Variants in AP3M2 observed in about 807,000 individuals in gnomAD.
AP3M2 encodes the protein adaptor related protein complex 3 subunit mu 2.
Under a neutral mutation model 41.6 loss-of-function variants are expected in AP3M2, and 28 were observed. That is an observed-to-expected ratio of 0.67 (90% CI 0.50 to 0.92). The LOEUF is 0.92. Among genes scored for constraint, AP3M2 ranks in the 40% least tolerant of loss-of-function variants. The pLI is 0.00. For synonymous variants in AP3M2, 193 were observed against 186.4 expected (o/e 1.04, Z -0.29); for missense variants, 427 against 521.4 (o/e 0.82, Z 1.76).
intron 1 of AP3M2, chr8:42,154,356 G>C (rs1255789397): frequency 1.4e-5 from 3 of 209,586 alleles, no homozygotes. Context: ...CGGTTCGGTT[G>C]AGAAAATAGA....
intron 8 of AP3M2, among the ~76,000 whole-genome samples, chr8:42,168,547 T>A (rs1364649304): frequency 6.6e-6 from 1 of 152,234 alleles, no homozygotes; most frequent in Non-Finnish European, 1.5e-5. Context: ...CTTGGCTTAG[T>A]CTAGTGAGAA....
intron 3 of AP3M2, 81 bp from the exon 4 acceptor site, chr8:42,162,200 A>C: frequency 7.3e-7 from 1 of 1,371,034 alleles, no homozygotes; most frequent in Non-Finnish European, 9.8e-7. Flanking sequence ...GAATAGTGGG[A>C]GCATAGAAAC....
intron 4 of AP3M2, among the ~76,000 whole-genome samples, chr8:42,162,670 T>G (rs1804537330): frequency 6.6e-6 from 1 of 151,956 alleles, no homozygotes; most frequent in South Asian, 2.1e-4. Flanking sequence ...ACAGGCCAGA[T>G]GTAGTGACTC....
In AP3M2 at chr8:42,162,280, G is replaced by A; in HGVS notation, c.446-1G>A. 1 of 1,610,038 alleles carries A rather than the reference G, an allele frequency of 6.2e-7. No individual in the cohort carries two copies. The highest frequency in any genetic ancestry group is 8.5e-7 in the Non-Finnish European group (1 of 1,178,442). ...AAATACAGTAATATTAATTGCCTCAGGAAGCACGAATGTGGGTGACCAGCT... is the reference window on the plus strand; with the variant it reads ...AAATACAGTAATATTAATTGCCTCAAGAAGCACGAATGTGGGTGACCAGCT... On this transcript the variant is annotated splice_acceptor_variant, in intron 3 of 8. Coordinates refer to ENST00000396926, the MANE Select transcript of AP3M2 (RefSeq NM_006803.4). LOFTEE classifies it high-confidence loss of function.
At chr8:42,168,886 G>A (rs1804711392) in intron 8 of AP3M2, 75 bp from the exon 9 acceptor site, 2 of 1,138,374 alleles carry the variant, frequency 1.8e-6, no homozygotes, top group Admixed American at 2.2e-5. Context: ...TCAGTGTATT[G>A]AACAGAAACA....
chr8:42,165,054 T>C lies in AP3M2; in HGVS notation c.584-17T>C. ...TATTCAGTAATCTGTGTTCTTTTTG[T>C]CTTATTCCTGTCTCAGGCTCCACAA... is the stretch of plus-strand genomic sequence containing the variant. On this transcript the variant is annotated splice_polypyrimidine_tract_variant and intron_variant, in intron 4 of 8. Coordinates refer to ENST00000396926, the MANE Select transcript of AP3M2 (RefSeq NM_006803.4). 1 of 1,609,332 alleles carries C rather than the reference T, an allele frequency of 6.2e-7. No individual in the cohort carries two copies. The highest frequency in any genetic ancestry group is 8.5e-7 in the Non-Finnish European group (1 of 1,177,120).
chr8:42,162,024 C>T (rs956322533), intron 3 of AP3M2: 9 of 296,230 alleles, frequency 3.0e-5, no homozygotes, highest in Admixed American at 2.5e-4. Context: ...CTTTCAAAAC[C>T]AAAATATGAT....
chr8:42,167,097 A>T (rs1804658494), intron 6 of AP3M2, 67 bp from the exon 7 acceptor site: 1 of 1,410,986 alleles, frequency 7.1e-7, no homozygotes, highest in Non-Finnish European at 1.0e-6. Context: ...AAAAAGCATC[A>T]TGTGAAAGGA....
chr8:42,162,762 TAGTG>T (rs1804539728), intron 4 of AP3M2, among the ~76,000 whole-genome samples: 1 of 151,672 alleles, frequency 6.6e-6, no homozygotes, highest in African/African-American at 2.4e-5. Flanking sequence ...CTGAGCAACA[TAGTG>T]AGACCCCATC....
chr8:42,156,788 G>A (rs1403904742), intron 2 of AP3M2, among the ~76,000 whole-genome samples: 2 of 152,140 alleles, frequency 1.3e-5, no homozygotes, highest in Non-Finnish European at 2.9e-5. Context: ...GAAATGGAAA[G>A]ATGGTGAAAC....
chr8:42,162,506 T>C (rs768170418), intron 4 of AP3M2, 88 bp downstream of exon 4: 5 of 1,457,836 alleles, frequency 3.4e-6, no homozygotes, highest in Non-Finnish European at 4.6e-6. Context: ...TTAACCCCCA[T>C]TCAAGGTCAT....
intron 1 of AP3M2, chr8:42,153,848 T>C (rs1804279970): frequency 2.0e-5 from 3 of 152,060 alleles, no homozygotes; most frequent in South Asian, 2.1e-4. Context: ...GCTCAGAGAA[T>C]AGCTCTGATT....
rs1175878307 is a variant in AP3M2 at position 42,158,023 on chromosome 8, A to G, written c.356A>G (p.Asn119Ser). The G allele has an allele frequency of 1.2e-6, 2 of 1,614,184 alleles. No homozygotes were observed. Among genetic ancestry groups the G allele is most frequent in the Non-Finnish European group, 1.7e-6 (2 of 1,180,038 alleles). Residue 119 changes from asparagine to serine, a missense_variant, in exon 3 of 9, where the codon AAT becomes AGT. Physicochemically the swap from Asn to Ser is conservative, Grantham distance 46. Around this residue, in one of 3 missense-constraint regions of AP3M2, gnomAD observed 86 missense variants for 142.6 expected, o/e 0.60. Transcript: ENST00000396926. Reference sequence around the variant, plus strand: ...GAGGTATTGGAAGAGATGCTTGACAATGGTTTTCCATTGGCTACCGAGTCG... The same window carrying G: ...GAGGTATTGGAAGAGATGCTTGACAGTGGTTTTCCATTGGCTACCGAGTCG... The part of the protein sequence containing the change: ...VYEVLEEMLD[N>S]GFPLATESNI...
Position 42,169,090 on chromosome 8 carries a change from G to A in AP3M2, c.*29G>A, listed in dbSNP as rs759311213. ...GAGCATTTGCTGAGGGAATAGTCTTGCACATTTTTTCATTTCTTACTTGTC... is the reference window on the plus strand; with the variant it reads ...GAGCATTTGCTGAGGGAATAGTCTTACACATTTTTTCATTTCTTACTTGTC... On this transcript the variant is annotated 3_prime_UTR_variant, in exon 9 of 9. Coordinates refer to ENST00000396926, the MANE Select transcript of AP3M2 (RefSeq NM_006803.4). The A allele has an allele frequency of 4.5e-6, 7 of 1,547,052 alleles. No homozygotes were observed. In the South Asian group the frequency reaches 8.1e-5, roughly 18 times the overall value.
chr8:42,162,151 C>A, intron 3 of AP3M2, 130 bp from the exon 4 acceptor site: 1 of 892,762 alleles, frequency 1.1e-6, no homozygotes, highest in Non-Finnish European at 1.6e-6. Context: ...TTGGGAAAAA[C>A]CTCATCTTCT....
Position 42,164,934 on chromosome 8 carries a change from AAGGGAGAGAGAGGAAGGGG to A in AP3M2, c.584-119_584-101del, listed in dbSNP as rs1165156877. The stretch of plus-strand genomic sequence containing the variant: ...TTGGATGGCTAGGCAGAAGGAAAGA[AAGGGAGAGAGAGGAAGGGG>A]AGGGAGAGAGAGGAAGGTGAGGGAG... On this transcript the variant is annotated intron_variant, in intron 4 of 8. Transcript: ENST00000396926. 300 of 671,372 alleles carry A rather than the reference AAGGGAGAGAGAGGAAGGGG, an allele frequency of 4.5e-4. 2 individuals carry two copies. The highest frequency in any genetic ancestry group is 1.1e-3 in the Middle Eastern group (3 of 2,742). 41.6% of individuals were successfully genotyped at this position (671,372 alleles called of 1,614,324 possible).
Position 42,154,950 on chromosome 8 carries a change from A to T in AP3M2, c.263A>T (p.Asp88Val). The T allele has an allele frequency of 6.2e-7, 1 of 1,613,796 alleles. No homozygotes were observed. The highest frequency in any genetic ancestry group is 8.5e-7 in the Non-Finnish European group (1 of 1,179,758). ...ATTGAGTTTCTTCACCGAGTGGTGGACACATTTCAGGTTCGTGAATGTGGG... is the reference window on the plus strand; with the variant it reads ...ATTGAGTTTCTTCACCGAGTGGTGGTCACATTTCAGGTTCGTGAATGTGGG... ...FVIEFLHRVVDTFQDYFGVCS... is the reference protein window; with the variant it reads ...FVIEFLHRVVVTFQDYFGVCS... Residue 88 changes from aspartate (D) to valine (V), a missense_variant, in exon 2 of 9, where the codon GAC (aspartate) becomes GTC (valine). Asp to Val is a radical substitution (Grantham distance 152). Transcript: ENST00000396926.
intron 7 of AP3M2, 123 bp downstream of exon 7, chr8:42,167,494 T>C: frequency 1.4e-6 from 2 of 1,383,454 alleles, no homozygotes; most frequent in Non-Finnish European, 2.0e-6. Context: ...TGTTTTCTCC[T>C]GCCAGGTAAC....
At chr8:42,166,591 C>CAAAAAAAAAAAAAAAAAAAAAAA (rs56858276) in intron 6 of AP3M2, among the ~76,000 whole-genome samples, 14 of 77,074 alleles carry the variant, frequency 1.8e-4, no homozygotes, top group East Asian at 4.0e-4. Flanking sequence ...CTTGTCTCTA[C>CAAAAAAAAAAAAAAAAAAAAAAA]AAAAAAAAAA....
Sources: allele counts gnomAD v4.1 joint callset (sites outside exome capture counted in the v4.1 genomes callset), GRCh38; gene constraint gnomAD v4.1.1; regional missense constraint gnomAD v4.1.1; transcripts MANE v1.5; gene names NCBI Gene and HGNC (gene_info 2026-07-23, HGNC 2026-07-21).